Variants in NEB observed in about 807,000 individuals in gnomAD.
NEB encodes nebulin, also known as nemaline myopathy type 2.
In NEB, 512 loss-of-function variants were observed where a neutral mutation model predicts 952.2. The ratio of observed to expected loss-of-function variants is 0.54; its 90% CI spans 0.50 to 0.58. The LOEUF (loss-of-function observed/expected upper bound fraction) is 0.58, where lower values mean the gene tolerates loss of function less well. NEB is among the 20% of genes least tolerant of loss of function. The probability of loss-of-function intolerance (pLI) is 0.00; values close to 1 mark genes in which losing one functional copy is unlikely to be tolerated. For synonymous variants in NEB, 2,900 were observed against 3,149.8 expected (o/e 0.92, Z 2.66); for missense variants, 8,428 against 9,231.1 (o/e 0.91, Z 3.56).
At chr2:151,532,136 A>G in intron 143 of NEB, 1 of 350,320 alleles carries the variant, frequency 2.9e-6, no homozygotes, top group Non-Finnish European at 5.3e-6. Context: ...TTACTCTGTC[A>G]CCCAGGCTGG....
At chr2:151,488,071 T>G (rs2052592256) in intron 181 of NEB, among the ~76,000 whole-genome samples, 1 of 152,216 alleles carries the variant, frequency 6.6e-6, no homozygotes, top group Non-Finnish European at 1.5e-5. Context: ...GAACACCTTT[T>G]TCTGTTGGCC....
Position 151,549,699 on chromosome 2 carries a change from A to G in NEB, c.19986T>C (p.Tyr6662=), listed in dbSNP as rs2095139940. ...KTSLRTLPTG[Y]RLPGDTPHFK... is the part of the protein sequence containing the mutation. ...AGTGAGGAGTGTCACCTGGAAGTCT[A>G]TATCCAGTGGGCAGGGTGCGCAGGC... is the stretch of plus-strand genomic sequence containing the variant. The change falls in exon 130 of 182, where the codon TAT becomes TAC. Residue 6662 remains tyrosine (Y), a synonymous_variant. Coordinates refer to ENST00000397345, the MANE Select transcript of NEB (RefSeq NM_001164508.2). The G allele has an allele frequency of 3.1e-6, 5 of 1,599,872 alleles. No individual in the cohort carries two copies. The highest frequency in any genetic ancestry group is 4.3e-6 in the Non-Finnish European group (5 of 1,172,768).
intron 63 of NEB, 138 bp downstream of exon 63, chr2:151,639,142 T>C (rs1024023792): frequency 3.2e-6 from 2 of 618,078 alleles, no homozygotes; most frequent in Non-Finnish European, 5.4e-6. Flanking sequence ...ATGATGGTGA[T>C]TGAGAAATGC....
chr2:151,485,559 T>A lies in NEB; in HGVS notation c.*201A>T, dbSNP rs190132249. The A allele has an allele frequency of 3.1e-3, 1,355 of 430,904 alleles. 11 individuals are homozygous for A. The highest frequency in any genetic ancestry group is 3.4e-3 in the Non-Finnish European group (841 of 245,858). 26.7% of individuals were successfully genotyped at this position (430,904 alleles called of 1,614,324 possible). ...TGGAGAAAGACTCTAGGCACAGAAA[T>A]AATATTGCAGAAGCTTTTAAAGTGT... On this transcript the variant is annotated 3_prime_UTR_variant, in exon 182 of 182. Transcript: ENST00000397345.
At chr2:151,488,404 T>C (rs1186694626) in intron 181 of NEB, among the ~76,000 whole-genome samples, 2 of 150,964 alleles carry the variant, frequency 1.3e-5, no homozygotes, top group African/African-American at 2.4e-5. Context: ...CCCAGCATTT[T>C]AGGAGGCCAA....
chr2:151,507,738 C>T (rs2070479633), intron 162 of NEB: 2 of 383,136 alleles, frequency 5.2e-6, no homozygotes, highest in Non-Finnish European at 9.5e-6. Context: ...GGGGTTTTCG[C>T]CATGAACCTT....
rs2098184040 is a variant in NEB, at chr2:151,616,088, C to T, written c.11203G>A (p.Glu3735Lys). 1.2e-6 allele frequency: 2 copies of T among 1,612,198 alleles called. No homozygotes were observed. The highest frequency in any genetic ancestry group is 1.7e-6 in the Non-Finnish European group (2 of 1,179,096). Reference protein sequence around the residue: ...YSDKLYKLALEESKKEGYDLR... With the variant: ...YSDKLYKLALKESKKEGYDLR... ...TCATAGCCTTCCTTCTTGGACTCTT[C>T]CAAAGCAAGTTTATAGAGTTTCTGT... The change falls in exon 76 of 182, where the codon GAA (glutamate) becomes AAA (lysine). Residue 3735 changes from glutamate (E) to lysine (K), a missense_variant. Around this residue, in one of 11 missense-constraint regions of NEB, gnomAD observed 1,772 missense variants for 1,960.3 expected, o/e 0.90. Transcript: ENST00000397345.
intron 13 of NEB, among the ~76,000 whole-genome samples, chr2:151,702,499 C>A (rs2099678018): frequency 6.6e-6 from 1 of 151,960 alleles, no homozygotes; most frequent in African/African-American, 2.4e-5. Context: ...GTGTGGGAGT[C>A]TAAGTCTCTT....
At chr2:151,715,378 T>C (rs2099756292) in intron 10 of NEB, among the ~76,000 whole-genome samples, 1 of 152,254 alleles carries the variant, frequency 6.6e-6, no homozygotes, top group Non-Finnish European at 1.5e-5. Context: ...TTCTCACATA[T>C]TGGACACTAA....
In NEB at chr2:151,627,066, A is replaced by T; in HGVS notation, c.10283T>A (p.Phe3428Tyr). ...IYRQPPDKLK[F>Y]TSVTDSLEQV... is the part of the protein sequence containing the mutation. Reference sequence around the variant, plus strand: ...CTCTAGAGAGTCAGTCACACTGGTAAATTTCAGCTTGTCCGGAGGCTGGCG... The same window carrying T: ...CTCTAGAGAGTCAGTCACACTGGTATATTTCAGCTTGTCCGGAGGCTGGCG... The change falls in exon 70 of 182, where the codon TTT becomes TAT. Residue 3428 changes from phenylalanine to tyrosine, a missense_variant. Around this residue, in one of 11 missense-constraint regions of NEB, gnomAD observed 1,772 missense variants for 1,960.3 expected, o/e 0.90. Transcript: ENST00000397345. 6.2e-7 allele frequency: 1 copy of T among 1,613,908 alleles called. No individual in the cohort carries two copies. The highest frequency in any genetic ancestry group is 8.5e-7 in the Non-Finnish European group (1 of 1,179,862).
rs1559851909 is a variant in NEB at position 151,553,508 on chromosome 2, G to A, written c.19627-6C>T. The A allele has an allele frequency of 6.3e-7, 1 of 1,592,012 alleles. No individual in the cohort carries two copies. Among genetic ancestry groups the A allele is most frequent in the African/African-American group, 1.3e-5 (1 of 74,262 alleles). ...AGGTCATCCTTGTATACAATCTAGA[G>A]GGTTTTGATAGAAAGGATCAGAAAA... is the stretch of plus-strand genomic sequence containing the variant. On this transcript the variant is annotated splice_polypyrimidine_tract_variant and splice_region_variant and intron_variant, in intron 126 of 181. Transcript: ENST00000397345.
intron 9 of NEB, among the ~76,000 whole-genome samples, chr2:151,718,044 G>T (rs1002146517): frequency 6.6e-6 from 1 of 152,020 alleles, no homozygotes; most frequent in Non-Finnish European, 1.5e-5. Flanking sequence ...TAGTAGAGAC[G>T]GGGTTTCACC....
chr2:151,509,364 A>C (rs1237172238), intron 161 of NEB, among the ~76,000 whole-genome samples: 1 of 152,202 alleles, frequency 6.6e-6, no homozygotes, highest in Non-Finnish European at 1.5e-5. Flanking sequence ...GAATAGAAAC[A>C]ATCGTCCTTT....
At chr2:151,703,135 A>G (rs1160079317) in intron 13 of NEB, among the ~76,000 whole-genome samples, 1 of 145,792 alleles carries the variant, frequency 6.9e-6, no homozygotes, top group African/African-American at 2.5e-5. Flanking sequence ...GTTTGGCTGG[A>G]TATGAAATTC....
chr2:151,505,763 G>A (rs1351619020), intron 164 of NEB, among the ~76,000 whole-genome samples, 193 bp from the exon 165 acceptor site: 3 of 152,114 alleles, frequency 2.0e-5, no homozygotes, highest in Non-Finnish European at 2.9e-5. Flanking sequence ...GGACAGGGAC[G>A]CTTTGTCTCT....
intron 64 of NEB, among the ~76,000 whole-genome samples, chr2:151,634,740 A>G (rs1484803275): frequency 6.6e-6 from 1 of 151,918 alleles, no homozygotes; most frequent in Non-Finnish European, 1.5e-5. Context: ...TATTATTATT[A>G]TTATTTTACT....
At chr2:151,514,480 C>G (rs781065051) in intron 158 of NEB, 52 bp from the exon 159 acceptor site, 55 of 1,348,730 alleles carry the variant, frequency 4.1e-5, no homozygotes, top group African/African-American at 8.6e-5. Flanking sequence ...CAGATTGATT[C>G]TCTCAGGCAA....
rs373421444 is a variant in NEB, at chr2:151,625,340, G to A, written c.10452+194C>T. ...TATTTTTGTGTCTGTCTGTCTATCT[G>A]TCTGTCTAATCTATCTACCTTTCTA... On this transcript the variant is annotated intron_variant, in intron 71 of 181. Transcript: ENST00000397345. Among the ~76,000 whole-genome samples the A allele has an allele frequency of 6.5e-3, 994 of 152,126 alleles. 11 individuals are homozygous for A. The highest frequency in any genetic ancestry group is 0.023 in the African/African-American group (938 of 41,506).
intron 161 of NEB, among the ~76,000 whole-genome samples, chr2:151,511,452 G>C (rs903294550): frequency 4.6e-5 from 7 of 152,152 alleles, no homozygotes; most frequent in African/African-American, 1.7e-4. Context: ...GTCATTAAGA[G>C]ATCATCTGTG....
Sources: gnomAD v4.1 joint callset for allele counts (sites outside exome capture counted in the v4.1 genomes callset) on GRCh38, gnomAD v4.1.1 for gene constraint, gnomAD v4.1.1 regional missense constraint, MANE v1.5 for transcripts, NCBI Gene and HGNC (gene_info 2026-07-23, HGNC 2026-07-21) for gene names.